The following VPS13B variants were observed in gnomAD, a reference collection of about 807,000 sequenced individuals.
VPS13B encodes the protein intermembrane lipid transfer protein VPS13B.
Under a neutral mutation model 426.4 loss-of-function variants are expected in VPS13B, and 285 were observed. That is an observed-to-expected ratio of 0.67 (90% CI 0.61 to 0.74). The LOEUF (loss-of-function observed/expected upper bound fraction) is 0.74, where lower values mean the gene tolerates loss of function less well. VPS13B is among the 30% of genes least tolerant of loss of function. The pLI is 0.00. For synonymous variants in VPS13B, 1,676 were observed against 1,676.4 expected (o/e 1.00, Z 0.01); for missense variants, 4,537 against 4,782.6 (o/e 0.95, Z 1.51).
rs755015601 is a variant in VPS13B, at chr8:99,809,520, T to C, written c.8087T>C (p.Val2696Ala). Residue 2696 changes from valine to alanine, a missense_variant, in exon 44 of 62, where the codon GTA (valine) becomes GCA (alanine). By Grantham distance (64) the Val-to-Ala change is moderately conservative. Around this residue, in one of 2 missense-constraint regions of VPS13B, gnomAD observed 4,311 missense variants for 4,474.3 expected, o/e 0.96. Coordinates refer to ENST00000357162, the MANE Select transcript of VPS13B (RefSeq NM_152564.5). Reference sequence around the variant, plus strand: ...ATCAAGGTTCAGCAACTCAATGGAGTACAAAAACAGGTAAGTTTCTTTGTG... The same window carrying C: ...ATCAAGGTTCAGCAACTCAATGGAGCACAAAAACAGGTAAGTTTCTTTGTG... Reference protein sequence around the residue: ...LIIKVQQLNGVQKQIIICGRQ... With the variant: ...LIIKVQQLNGAQKQIIICGRQ... 6.8e-6 allele frequency: 11 copies of C among 1,613,998 alleles called. No homozygotes were observed. In the South Asian group the frequency reaches 1.2e-4, roughly 18 times the overall value.
At chr8:99,618,013 C>T (rs1828175534) in intron 33 of VPS13B, among the ~76,000 whole-genome samples, 1 of 152,058 alleles carries the variant, frequency 6.6e-6, no homozygotes, top group Admixed American at 6.6e-5. Context: ...TCTTGGTAAG[C>T]AGTACTTTCC....
chr8:99,618,491 A>C (rs1422691988), intron 33 of VPS13B, among the ~76,000 whole-genome samples: 1 of 152,200 alleles, frequency 6.6e-6, no homozygotes. Context: ...GGTTGTCTGC[A>C]TGTTTGGGAC....
At chr8:99,691,940 CAAAG>C (rs1442283558) in intron 35 of VPS13B, among the ~76,000 whole-genome samples, 4 of 151,540 alleles carry the variant, frequency 2.6e-5, no homozygotes, top group Admixed American at 6.6e-5. Flanking sequence ...TCAAAAGAGA[CAAAG>C]AAGGCCATTA....
chr8:99,702,494 A>T (rs1393688368), intron 36 of VPS13B, among the ~76,000 whole-genome samples: 2 of 152,160 alleles, frequency 1.3e-5, no homozygotes, highest in Non-Finnish European at 2.9e-5. Flanking sequence ...TGCTGTACAG[A>T]TGTTATTGTA....
At chr8:99,178,697 C>T (rs1416859921) in intron 16 of VPS13B, among the ~76,000 whole-genome samples, 1 of 152,092 alleles carries the variant, frequency 6.6e-6, no homozygotes, top group Admixed American at 6.5e-5. Context: ...TCTCGACTCA[C>T]TGCAACCTCT....
intron 30 of VPS13B, among the ~76,000 whole-genome samples, chr8:99,524,883 A>G (rs565995311): frequency 1.3e-5 from 2 of 152,330 alleles, no homozygotes; most frequent in East Asian, 3.9e-4. Flanking sequence ...GTGACATGAC[A>G]TACTTAAAGT....
At chr8:99,731,974 G>T (rs911950697) in intron 39 of VPS13B, among the ~76,000 whole-genome samples, 8 of 152,124 alleles carry the variant, frequency 5.3e-5, no homozygotes, top group South Asian at 2.1e-4. Flanking sequence ...AAAGTTAAAT[G>T]GGGGACCTCC....
intron 25 of VPS13B, among the ~76,000 whole-genome samples, chr8:99,492,278 C>T (rs1048908321): frequency 6.6e-6 from 1 of 152,170 alleles, no homozygotes; most frequent in East Asian, 1.9e-4. Context: ...AGGTGTCTGT[C>T]GGCCCCTACT....
intron 3 of VPS13B, among the ~76,000 whole-genome samples, chr8:99,042,719 T>C (rs1843025195): frequency 6.6e-6 from 1 of 152,174 alleles, no homozygotes; most frequent in Non-Finnish European, 1.5e-5. Flanking sequence ...ACTCCTGGCC[T>C]CAAGTGACCC....
chr8:99,873,356 A>G (rs1313225800), intron 61 of VPS13B: 1 of 152,190 alleles, frequency 6.6e-6, no homozygotes, highest in Admixed American at 6.5e-5. Context: ...CACCACTCCT[A>G]AAAGTTGCTG....
chr8:99,335,067 C>T (rs981145487), intron 19 of VPS13B, among the ~76,000 whole-genome samples: 1 of 152,128 alleles, frequency 6.6e-6, no homozygotes, highest in South Asian at 2.1e-4. Flanking sequence ...GATTCAACTT[C>T]TTCCTGGTTT....
At chr8:99,335,676 C>G (rs1588263606) in intron 19 of VPS13B, among the ~76,000 whole-genome samples, 1 of 152,140 alleles carries the variant, frequency 6.6e-6, no homozygotes, top group East Asian at 1.9e-4. Flanking sequence ...TCTCAGGATA[C>G]AAAATCAATG....
At chr8:99,626,973 A>G (rs559903568) in intron 33 of VPS13B, among the ~76,000 whole-genome samples, 34 of 152,252 alleles carry the variant, frequency 2.2e-4, no homozygotes, top group Admixed American at 1.6e-3. Flanking sequence ...TTGTGATAAC[A>G]TGGATGAATC....
At chr8:99,768,500 T>A (rs1811337530) in intron 40 of VPS13B, among the ~76,000 whole-genome samples, 1 of 152,212 alleles carries the variant, frequency 6.6e-6, no homozygotes, top group Non-Finnish European at 1.5e-5. Context: ...ATATGTTCAT[T>A]GAAGAACATT....
chr8:99,206,767 G>C (rs556154917), intron 17 of VPS13B, among the ~76,000 whole-genome samples: 1 of 152,246 alleles, frequency 6.6e-6, no homozygotes, highest in African/African-American at 2.4e-5. Context: ...TTGTTGAATA[G>C]TTCTTTAATC....
At chr8:99,812,032 T>C (rs949485056) in intron 44 of VPS13B, among the ~76,000 whole-genome samples, 2 of 152,174 alleles carry the variant, frequency 1.3e-5, no homozygotes, top group Non-Finnish European at 2.9e-5. Flanking sequence ...ATGTTAAATT[T>C]CAGGGATAAA....
intron 30 of VPS13B, among the ~76,000 whole-genome samples, chr8:99,548,827 A>T (rs998904261): frequency 1.3e-5 from 2 of 151,992 alleles, no homozygotes; most frequent in African/African-American, 4.8e-5. Context: ...CTTGGGGATT[A>T]TGTAATAAGA....
At chr8:99,028,367 TG>T (rs1842255730) in intron 2 of VPS13B, among the ~76,000 whole-genome samples, 1 of 132,130 alleles carries the variant, frequency 7.6e-6, no homozygotes, top group African/African-American at 2.9e-5. Flanking sequence ...CCCTCCCGGA[TG>T]GGGCGGCTGG....
chr8:99,076,192 C>A (rs974132564), intron 3 of VPS13B, among the ~76,000 whole-genome samples: 1 of 152,038 alleles, frequency 6.6e-6, no homozygotes. Flanking sequence ...TTACTGATTT[C>A]CAGTTTTATT....
Sources: gnomAD v4.1 joint callset for allele counts (sites outside exome capture counted in the v4.1 genomes callset) on GRCh38, gnomAD v4.1.1 for gene constraint, gnomAD v4.1.1 regional missense constraint, MANE v1.5 for transcripts, NCBI Gene and HGNC (gene_info 2026-07-23, HGNC 2026-07-21) for gene names.